Variants in CEP44 observed in about 807,000 individuals in gnomAD.
CEP44 encodes centrosomal protein of 44 kDa.
Under a neutral mutation model 46.7 loss-of-function variants are expected in CEP44, and 45 were observed. That is an observed-to-expected ratio of 0.96 (90% CI 0.76 to 1.24). CEP44 has a LOEUF of 1.24. Among genes scored for constraint, CEP44 ranks in the 50% most tolerant of loss-of-function variants. CEP44 has a pLI of 0.00. For synonymous variants in CEP44, 142 were observed against 146.0 expected (o/e 0.97, Z 0.20); for missense variants, 475 against 459.7 (o/e 1.03, Z -0.30).
At chr4:174,322,238 T>C (rs566000205), downstream of CEP44, among the ~76,000 whole-genome samples, 3 of 152,310 alleles carry the variant, frequency 2.0e-5, no homozygotes, top group East Asian at 5.8e-4. Flanking sequence ...TTTTTTAAAA[T>C]CATCATTCTC....
rs1246589207 is a variant in CEP44, at chr4:174,288,259, C to G, written c.-148+4316C>G. Reference sequence around the variant, plus strand: ...TGCCATCACCTTGAAAAGTTTCCTTCTACTCATCTTTTTTTCACGTTTTGT... The same window carrying G: ...TGCCATCACCTTGAAAAGTTTCCTTGTACTCATCTTTTTTTCACGTTTTGT... On this transcript the variant is annotated intron_variant, in intron 1 of 11. Coordinates refer to ENST00000503780, the MANE Select transcript of CEP44 (RefSeq NM_001040157.3). This position sits in a 1 kb window ranked among gnomAD's most constrained non-coding sequence, Gnocchi z 4.6. 6.6e-6 allele frequency among the ~76,000 whole-genome samples: 1 copy of G among 152,140 alleles called. No individual in the cohort carries two copies. The highest frequency in any genetic ancestry group is 2.4e-5 in the African/African-American group (1 of 41,436).
intron 9 of CEP44, 101 bp from the exon 10 acceptor site, chr4:174,316,065 A>G: frequency 7.1e-7 from 1 of 1,403,736 alleles, no homozygotes; most frequent in African/African-American, 1.5e-5. Flanking sequence ...AGCCATTTTT[A>G]ATTAAAATAG....
At chr4:174,300,996 A>G (rs915080106) in intron 3 of CEP44, among the ~76,000 whole-genome samples, 1 of 152,058 alleles carries the variant, frequency 6.6e-6, no homozygotes, top group Non-Finnish European at 1.5e-5. Flanking sequence ...CAGATAGACA[A>G]GGTTGCCAGA....
intron 1 of CEP44, among the ~76,000 whole-genome samples, chr4:174,295,962 C>T (rs1260026477): frequency 1.3e-5 from 2 of 152,062 alleles, no homozygotes; most frequent in African/African-American, 4.8e-5. Flanking sequence ...CATGATTTGC[C>T]TTCTTTGACC....
chr4:174,322,487 A>T (rs760725844), downstream of CEP44, among the ~76,000 whole-genome samples: 1 of 152,228 alleles, frequency 6.6e-6, no homozygotes, highest in Middle Eastern at 3.4e-3. Context: ...TTCCCTGTTT[A>T]TGCTATGAAA....
chr4:174,305,764 ATTTT>A (rs1740320096), intron 6 of CEP44, among the ~76,000 whole-genome samples: 1 of 152,162 alleles, frequency 6.6e-6, no homozygotes, highest in African/African-American at 2.4e-5. Flanking sequence ...TTGTACCTTC[ATTTT>A]GCTTAGCACA....
rs189663492 is a variant in CEP44, at chr4:174,298,780, A to T, written c.-50-292A>T. ...TCTTCTCAAACGGTGCTTTATGCTT[A>T]AAAAAAAACTATTTGGGCAAGTGTT... On this transcript the variant is annotated intron_variant, in intron 2 of 11. Coordinates refer to ENST00000503780, the MANE Select transcript of CEP44 (RefSeq NM_001040157.3). 3.5e-3 allele frequency among the ~76,000 whole-genome samples: 509 copies of T among 145,716 alleles called. 5 individuals are homozygous for T. The highest frequency in any genetic ancestry group is 0.012 in the African/African-American group (481 of 39,120).
At chr4:174,291,795 T>TTTC (rs1195742462) in intron 1 of CEP44, among the ~76,000 whole-genome samples, 1 of 121,646 alleles carries the variant, frequency 8.2e-6, no homozygotes, top group Non-Finnish European at 1.7e-5. Context: ...TTCTTTTTTT[T>TTTC]TTTTTTTTTT....
chr4:174,285,882 T>G (rs1737536472), intron 1 of CEP44, among the ~76,000 whole-genome samples: 1 of 152,224 alleles, frequency 6.6e-6, no homozygotes, highest in African/African-American at 2.4e-5. Context: ...CTTTTAGGCT[T>G]CCGTGTGTCC....
exon 9 of CEP44, chr4:174,332,235 G>A (rs1731354619): frequency 6.6e-6 from 1 of 152,188 alleles, no homozygotes; most frequent in Non-Finnish European, 1.5e-5. Flanking sequence ...CTAAAGGTAC[G>A]GTGTTCCATA....
In CEP44 at chr4:174,286,428, A is replaced by G. The variant is rs185340759; in HGVS notation, c.-148+2485A>G. 1.3e-5 allele frequency among the ~76,000 whole-genome samples: 2 copies of G among 152,324 alleles called. No individual in the cohort carries two copies. Among genetic ancestry groups the G allele is most frequent in the East Asian group, 3.9e-4 (2 of 5,188 alleles). ...ATTGTTCTGTTTTCATTTTAATATA[A>G]TGACTTCATTTTAATGTGATAACTT... is the stretch of plus-strand genomic sequence containing the variant. On this transcript the variant is annotated intron_variant, in intron 1 of 11. Coordinates refer to ENST00000503780, the MANE Select transcript of CEP44 (RefSeq NM_001040157.3). This position sits in a 1 kb window ranked among gnomAD's most constrained non-coding sequence, Gnocchi z 5.2.
At chr4:174,289,952 C>T (rs1437295703) in intron 1 of CEP44, among the ~76,000 whole-genome samples, 1 of 151,936 alleles carries the variant, frequency 6.6e-6, no homozygotes, top group Non-Finnish European at 1.5e-5. Context: ...GATTCTCCTG[C>T]CTCAGCCTCC....
At chr4:174,302,650 A>G (rs1452745534) in intron 4 of CEP44, among the ~76,000 whole-genome samples, 2 of 151,880 alleles carry the variant, frequency 1.3e-5, no homozygotes, top group African/African-American at 4.8e-5. Flanking sequence ...TACTTGTACT[A>G]TGTGTATACT....
intron 1 of CEP44, among the ~76,000 whole-genome samples, chr4:174,293,158 G>A (rs1738434831): frequency 1.3e-5 from 2 of 152,134 alleles, no homozygotes; most frequent in African/African-American, 4.8e-5. Flanking sequence ...TGGGGCTTGG[G>A]TGGGTGTGGT....
At chr4:174,294,904 C>G (rs1454318771) in intron 1 of CEP44, among the ~76,000 whole-genome samples, 3 of 139,200 alleles carry the variant, frequency 2.2e-5, no homozygotes, top group Non-Finnish European at 4.7e-5. Context: ...GGCAGATGGG[C>G]TCCTCACTTC....
rs904691587 is a variant in CEP44, at chr4:174,297,901, C to T, written c.-147-65C>T. 8 of 152,098 alleles carry T rather than the reference C, an allele frequency of 5.3e-5. No individual in the cohort carries two copies. The highest frequency in any genetic ancestry group is 1.9e-4 in the African/African-American group (8 of 41,380). The allele number at this position is 152,098 out of a possible 1,614,324, so 9.4% of individuals were successfully genotyped here. On this transcript the variant is annotated intron_variant, in intron 1 of 11. Transcript: ENST00000503780. The surrounding 1 kb of genome is among the most constrained non-coding windows in gnomAD (Gnocchi z 4.3). Reference sequence around the variant, plus strand: ...AAATAAATTCTAGGGTTAGCTGCTTCTTATGTAGACTCTCAAATAATCATT... The same window carrying T: ...AAATAAATTCTAGGGTTAGCTGCTTTTTATGTAGACTCTCAAATAATCATT...
chr4:174,325,295 G>C (rs775973336), downstream of CEP44, among the ~76,000 whole-genome samples: 1 of 152,100 alleles, frequency 6.6e-6, no homozygotes, highest in Non-Finnish European at 1.5e-5. This position sits in a 1 kb window ranked among gnomAD's most constrained non-coding sequence, Gnocchi z 4.4. Flanking sequence ...TTCATTAACA[G>C]TGTTTTTTAA....
chr4:174,318,451 A>G lies in CEP44; in HGVS notation c.*1068A>G. On this transcript the variant is annotated 3_prime_UTR_variant, in exon 12 of 12. Coordinates refer to ENST00000503780, the MANE Select transcript of CEP44 (RefSeq NM_001040157.3). ...GAAAAGTTACACATTTTTTGGAGAG[A>G]AAAGTCTTAGCTGAAGGTAAATCAA... The G allele has an allele frequency of 1.0e-6, 1 of 979,136 alleles. No individual in the cohort carries two copies. The highest frequency in any genetic ancestry group is 1.7e-5 in the African/African-American group (1 of 57,188). 60.7% of individuals were successfully genotyped at this position (979,136 alleles called of 1,614,324 possible). A position where few individuals can be genotyped will look rare whatever the true frequency, so the allele number is the denominator to read the frequency against.
rs56201469 is a variant in CEP44 at position 174,291,787 on chromosome 4, C to CTTTTTTTTTTTTTTTTTTTTT, written c.-147-6174_-147-6154dup. Among the ~76,000 whole-genome samples, 69 of 46,404 alleles carry CTTTTTTTTTTTTTTTTTTTTT rather than the reference C, an allele frequency of 1.5e-3. 6 individuals carry two copies. Among genetic ancestry groups the CTTTTTTTTTTTTTTTTTTTTT allele is most frequent in the South Asian group, 2.6e-3 (2 of 760 alleles). 30.4% of individuals were successfully genotyped at this position (46,404 alleles called of 152,430 possible). ...CTTTATTCTTTTATCTTTTTCTTTTCTTTTTTTTTTTTTTTTTTTTTTTTT... is the reference window on the plus strand; with the variant it reads ...CTTTATTCTTTTATCTTTTTCTTTTCTTTTTTTTTTTTTTTTTTTTTTTTTTTTTTTTTTTTTTTTTTTTTT... On this transcript the variant is annotated intron_variant, in intron 1 of 11. Coordinates refer to ENST00000503780, the MANE Select transcript of CEP44 (RefSeq NM_001040157.3).
Sources: allele counts gnomAD v4.1 joint callset (sites outside exome capture counted in the v4.1 genomes callset), GRCh38; gene constraint gnomAD v4.1.1; non-coding constraint Gnocchi (gnomAD v3.1); transcripts MANE v1.5; gene names NCBI Gene and HGNC (gene_info 2026-07-23, HGNC 2026-07-21).